ZNRF1: variants seen among roughly 807,000 people sequenced by gnomAD.
The protein encoded by ZNRF1 is zinc and ring finger 1.
ZNRF1 carries 3 observed loss-of-function variants against 18.4 expected under a neutral mutation model. That is an observed-to-expected ratio of 0.16 (90% CI 0.07 to 0.42). The LOEUF (loss-of-function observed/expected upper bound fraction) is 0.42. Ranked by LOEUF, ZNRF1 falls within the 10% of genes least tolerant of loss-of-function variation. The pLI, the probability that ZNRF1 is intolerant of heterozygous loss-of-function variation, is 0.99. For missense variants in ZNRF1, 310 were observed against 329.8 expected, an observed-to-expected ratio of 0.94 and a Z score of 0.47; for synonymous variants, 157 against 144.2, an observed-to-expected ratio of 1.09 and a Z score of -0.64.
At chr16:75,009,912 T>TG (rs964722828) in intron 1 of ZNRF1, among the ~76,000 whole-genome samples, 20 of 147,930 alleles carry the variant, frequency 1.4e-4, no homozygotes, top group African/African-American at 5.0e-4. Context: ...TCTTTTCATG[T>TG]GTTTATTGGC....
chr16:75,024,396 A>G (rs766357309), intron 1 of ZNRF1, among the ~76,000 whole-genome samples: 1 of 152,232 alleles, frequency 6.6e-6, no homozygotes, highest in Non-Finnish European at 1.5e-5. Context: ...TTTATTACCT[A>G]TGATACGGAG....
At chr16:75,072,889 G>C (rs1392980547) in intron 1 of ZNRF1, among the ~76,000 whole-genome samples, 3 of 152,212 alleles carry the variant, frequency 2.0e-5, no homozygotes, top group African/African-American at 4.8e-5. Flanking sequence ...AGCCCCTCCA[G>C]CTTCCCCTCT....
At chr16:75,064,736 G>C (rs976947480) in intron 1 of ZNRF1, among the ~76,000 whole-genome samples, 4 of 152,210 alleles carry the variant, frequency 2.6e-5, no homozygotes, top group Non-Finnish European at 4.4e-5. Flanking sequence ...AGCTAAATGA[G>C]CAACGGACTC....
chr16:75,068,042 A>G (rs944582588), intron 1 of ZNRF1, among the ~76,000 whole-genome samples: 5 of 152,038 alleles, frequency 3.3e-5, no homozygotes, highest in Admixed American at 1.3e-4. Flanking sequence ...ACTTTCAAAC[A>G]TTCAGAAAAA....
chr16:75,088,767 C>T (rs986693048), intron 1 of ZNRF1, among the ~76,000 whole-genome samples: 7 of 152,198 alleles, frequency 4.6e-5, no homozygotes, highest in East Asian at 1.9e-4. Context: ...ACCTACCTAC[C>T]GTATATGAGA....
chr16:75,020,642 C>T lies in ZNRF1; in HGVS notation c.424+20547C>T, dbSNP rs139521848. ...CTGCAGGCCCCGCCTCCCAGGTTCA[C>T]GCCATTCTCTTGCTTCAGCCTCCCA... On this transcript the variant is annotated intron_variant, in intron 1 of 4. Transcript: ENST00000335325. Among the ~76,000 whole-genome samples the T allele has an allele frequency of 3.5e-3, 539 of 151,884 alleles. 2 individuals carry two copies. The highest frequency in any genetic ancestry group is 0.012 in the African/African-American group (515 of 41,402).
At chr16:75,008,704 A>G (rs1346243440) in intron 1 of ZNRF1, among the ~76,000 whole-genome samples, 4 of 152,200 alleles carry the variant, frequency 2.6e-5, no homozygotes, top group African/African-American at 7.2e-5. Context: ...TTATAGAGCA[A>G]TTAACTTATT....
intron 1 of ZNRF1, among the ~76,000 whole-genome samples, chr16:75,027,747 G>T (rs1468421436): frequency 1.3e-5 from 2 of 152,022 alleles, no homozygotes; most frequent in African/African-American, 4.8e-5. Context: ...TACTTTGTGG[G>T]TGTGCCCCTG....
intron 1 of ZNRF1, among the ~76,000 whole-genome samples, chr16:75,035,732 G>A (rs1567473385): frequency 6.6e-6 from 1 of 152,180 alleles, no homozygotes; most frequent in Non-Finnish European, 1.5e-5. Context: ...TTCTCTTGGG[G>A]TTGGCTGTCC....
chr16:75,037,857 C>G (rs2035395355), intron 1 of ZNRF1, among the ~76,000 whole-genome samples: 1 of 152,130 alleles, frequency 6.6e-6, no homozygotes, highest in Non-Finnish European at 1.5e-5. Context: ...CTCATATAAC[C>G]TGTTTTCCTA....
chr16:75,006,245 C>G (rs2034915443), intron 1 of ZNRF1, among the ~76,000 whole-genome samples: 1 of 152,124 alleles, frequency 6.6e-6, no homozygotes, highest in Admixed American at 6.5e-5. Context: ...TAAAACTAAG[C>G]TTCAATTTTG....
At chr16:75,071,115 T>C (rs796639332) in intron 1 of ZNRF1, among the ~76,000 whole-genome samples, 6 of 151,602 alleles carry the variant, frequency 4.0e-5, no homozygotes, top group African/African-American at 1.2e-4. Context: ...TTTTTTTTCT[T>C]TTGAGACTGA....
intron 1 of ZNRF1, among the ~76,000 whole-genome samples, chr16:75,048,387 C>T (rs979942138): frequency 6.6e-6 from 1 of 152,272 alleles, no homozygotes; most frequent in African/African-American, 2.4e-5. Flanking sequence ...GTTAGGACTT[C>T]AGCATATAAA....
chr16:75,066,930 C>T (rs2035812865), intron 1 of ZNRF1, among the ~76,000 whole-genome samples: 1 of 151,776 alleles, frequency 6.6e-6, no homozygotes, highest in Admixed American at 6.7e-5. Flanking sequence ...TAATCATTAT[C>T]TCTCACAGTT....
chr16:75,024,919 A>C (rs2035200491), intron 1 of ZNRF1, among the ~76,000 whole-genome samples: 1 of 152,170 alleles, frequency 6.6e-6, no homozygotes, highest in South Asian at 2.1e-4. Context: ...TATGTCTCCA[A>C]ATTTTTGCCT....
At chr16:75,007,432 C>T (rs1014717816) in intron 1 of ZNRF1, among the ~76,000 whole-genome samples, 3 of 152,120 alleles carry the variant, frequency 2.0e-5, no homozygotes, top group African/African-American at 7.2e-5. Context: ...TCCCTAGAGT[C>T]GTTAGTCTTG....
chr16:75,016,840 C>T (rs1266609867), intron 1 of ZNRF1, among the ~76,000 whole-genome samples: 2 of 11,148 alleles, frequency 1.8e-4, no homozygotes, highest in East Asian at 5.9e-3. Flanking sequence ...CCACCGCGGC[C>T]GGCCTACTGT....
chr16:75,006,353 A>G (rs1016389050), intron 1 of ZNRF1, among the ~76,000 whole-genome samples: 1 of 152,158 alleles, frequency 6.6e-6, no homozygotes, highest in Non-Finnish European at 1.5e-5. Context: ...GGTGTTTTTA[A>G]TGACAGTGGA....
chr16:75,042,375 C>A (rs997442617), intron 1 of ZNRF1, among the ~76,000 whole-genome samples: 5 of 150,760 alleles, frequency 3.3e-5, no homozygotes, highest in African/African-American at 9.7e-5. Context: ...TTAGCTCTTA[C>A]ATATGTCTGT....
Sources: gnomAD v4.1 joint callset for allele counts (sites outside exome capture counted in the v4.1 genomes callset) on GRCh38, gnomAD v4.1.1 for gene constraint, MANE v1.5 for transcripts, NCBI Gene and HGNC (gene_info 2026-07-23, HGNC 2026-07-21) for gene names.